The following GRID2IP variants were observed in gnomAD, a reference collection of about 807,000 sequenced individuals.
GRID2IP encodes delphilin.
Under a neutral mutation model 114.3 loss-of-function variants are expected in GRID2IP, and 78 were observed. The ratio of observed to expected loss-of-function variants is 0.68; its 90% CI spans 0.57 to 0.82. The LOEUF is 0.82. Among genes scored for constraint, GRID2IP ranks in the 40% least tolerant of loss-of-function variants. The pLI is 0.00. For synonymous variants in GRID2IP, 809 were observed against 724.0 expected (o/e 1.12, Z -1.89); for missense variants, 1,727 against 1,678.5 (o/e 1.03, Z -0.51).
intron 20 of GRID2IP, among the ~76,000 whole-genome samples, chr7:6,500,230 G>A (rs62441268): frequency 1.3e-5 from 2 of 152,000 alleles, no homozygotes; most frequent in African/African-American, 2.4e-5. Flanking sequence ...TTGGGAGGCC[G>A]AGGCAGGTGG....
chr7:6,515,574 T>C (rs1277101604), intron 7 of GRID2IP, among the ~76,000 whole-genome samples: 2 of 151,370 alleles, frequency 1.3e-5, no homozygotes, highest in Admixed American at 1.3e-4. Context: ...GGTCGGGAGC[T>C]CAAGATCAGC....
At position 6,503,475 on chromosome 7, in the gene GRID2IP, G is replaced by A; in HGVS notation, c.2907+16C>T. On this transcript the variant is annotated intron_variant, in intron 16 of 21. Transcript: ENST00000457091. ...GAGCCGGCCGAGGCCTCGGGGCGGG[G>A]TTGTGGTCGCGGCACCTGCAGGACG... 6.6e-7 allele frequency: 1 copy of A among 1,514,072 alleles called. No individual in the cohort carries two copies. Among genetic ancestry groups the A allele is most frequent in the Non-Finnish European group, 8.8e-7 (1 of 1,138,664 alleles). The allele number at this position is 1,514,072 out of a possible 1,614,324, so 93.8% of individuals were successfully genotyped here.
intron 4 of GRID2IP, among the ~76,000 whole-genome samples, chr7:6,525,646 T>C (rs1779495176): frequency 6.6e-6 from 1 of 151,768 alleles, no homozygotes; most frequent in African/African-American, 2.4e-5. Flanking sequence ...TAAAATAAAA[T>C]AAAATAAATA....
At chr7:6,548,620 G>A (rs892145901) in intron 1 of GRID2IP, among the ~76,000 whole-genome samples, 4 of 151,992 alleles carry the variant, frequency 2.6e-5, no homozygotes, top group African/African-American at 7.3e-5. Flanking sequence ...GATGGATCAC[G>A]AGGTCAGGAG....
At chr7:6,525,177 G>A (rs997242137) in intron 4 of GRID2IP, among the ~76,000 whole-genome samples, 3 of 152,042 alleles carry the variant, frequency 2.0e-5, no homozygotes, top group South Asian at 4.2e-4. Flanking sequence ...TGTGGTGGCA[G>A]GCGCCTGTAA....
In GRID2IP at chr7:6,534,315, C is replaced by T. The variant is rs141820272; in HGVS notation, c.584+5403G>A. Among the ~76,000 whole-genome samples, 99 of 152,270 alleles carry T rather than the reference C, an allele frequency of 6.5e-4. No homozygotes were observed. Among genetic ancestry groups the T allele is most frequent in the African/African-American group, 2.0e-3 (84 of 41,554 alleles). On this transcript the variant is annotated intron_variant, in intron 2 of 21. Transcript: ENST00000457091. This position sits in a 1 kb window ranked among gnomAD's most constrained non-coding sequence, Gnocchi z 4.5. Reference sequence around the variant, plus strand: ...CCACTCATATTTCCTGAAACGCTAGCGGACCACAAAGCTGACTCTGCTTTC... The same window carrying T: ...CCACTCATATTTCCTGAAACGCTAGTGGACCACAAAGCTGACTCTGCTTTC...
At chr7:6,512,790 C>T (rs990459912) in intron 8 of GRID2IP, among the ~76,000 whole-genome samples, 4 of 152,024 alleles carry the variant, frequency 2.6e-5, no homozygotes, top group African/African-American at 7.3e-5. Flanking sequence ...GGATTACAGA[C>T]GTGAGTCACC....
rs1289507716 is a variant in GRID2IP at position 6,514,522 on chromosome 7, C to T, written c.1276G>A (p.Asp426Asn). 4.6e-6 allele frequency: 7 copies of T among 1,522,288 alleles called. No homozygotes were observed. Among genetic ancestry groups the T allele is most frequent in the Admixed American group, 4.1e-5 (2 of 48,346 alleles). The allele number at this position is 1,522,288 out of a possible 1,614,324, so 94.3% of individuals were successfully genotyped here. A position where few individuals can be genotyped will look rare whatever the true frequency, so the allele number is the denominator to read the frequency against. Residue 426 changes from aspartate (D) to asparagine (N), a missense_variant, in exon 8 of 22, where the codon GAC becomes AAC. By Grantham distance (23) the Asp-to-Asn change is conservative (BLOSUM62 1). Transcript: ENST00000457091. ...LESFFQHRNI[D>N]TLIVDVYPVL... ...GGGTAGACGTCAACGATGAGGGTGT[C>T]GATGTTCCTGGGGGAAGGTGCAGGA...
At position 6,498,176 on chromosome 7, in the gene GRID2IP, C is replaced by A. The variant is rs745505031; in HGVS notation, c.3452G>T (p.Arg1151Leu). ...CTTGCCCAGCTCCTCCATGGCCTCG[C>A]GCTGCAGCCCGTCGAGCGCCCGAAG... ...PALRALDGLQREAMEELGKAL... is the reference protein window; with the variant it reads ...PALRALDGLQLEAMEELGKAL... Residue 1151 changes from arginine to leucine, a missense_variant, in exon 21 of 22, where the codon CGC (arginine) becomes CTC (leucine). By Grantham distance (102) the Arg-to-Leu change is moderately radical. Coordinates refer to ENST00000457091, the MANE Select transcript of GRID2IP (RefSeq NM_001145118.2). The A allele has an allele frequency of 3.9e-6, 6 of 1,551,106 alleles. No homozygotes were observed. The highest frequency in any genetic ancestry group is 5.2e-6 in the Non-Finnish European group (6 of 1,146,844).
At chr7:6,531,327 G>A in intron 2 of GRID2IP, 2 of 390,400 alleles carry the variant, frequency 5.1e-6, no homozygotes, top group East Asian at 3.7e-5. Flanking sequence ...TCGCTCTGGG[G>A]TGCAGCGGAA....
rs991253294 is a variant in GRID2IP at position 6,532,825 on chromosome 7, G to C, written c.585-6056C>G. Among the ~76,000 whole-genome samples, 1 of 152,226 alleles carries C rather than the reference G, an allele frequency of 6.6e-6. No homozygotes were observed. The highest frequency in any genetic ancestry group is 2.4e-5 in the African/African-American group (1 of 41,466). ...GCACAGGAGATGCAACCAGGGAGCA[G>C]ACGCCCAGGGTCAAATCCAGGCACG... On this transcript the variant is annotated intron_variant, in intron 2 of 21. Transcript: ENST00000457091. This position sits in a 1 kb window ranked among gnomAD's most constrained non-coding sequence, Gnocchi z 4.4.
intron 9 of GRID2IP, 85 bp from the exon 10 acceptor site, chr7:6,510,791 G>A (rs1185515166): frequency 2.0e-6 from 3 of 1,471,518 alleles, no homozygotes; most frequent in South Asian, 1.2e-5. Flanking sequence ...AGACCCAGGA[G>A]GGCCAATCCT....
intron 1 of GRID2IP, among the ~76,000 whole-genome samples, chr7:6,549,621 T>C (rs1176842638): frequency 6.6e-6 from 1 of 151,884 alleles, no homozygotes; most frequent in Non-Finnish European, 1.5e-5. Context: ...TTTTTGGAGG[T>C]GGGGAATGGC....
chr7:6,550,942 G>A, intron 1 of GRID2IP, 66 bp downstream of exon 1: 1 of 1,195,546 alleles, frequency 8.4e-7, no homozygotes, highest in East Asian at 3.5e-5. Context: ...GCGGCGCCCG[G>A]CCCACTCCCT....
chr7:6,540,275 G>A (rs1437267231), intron 1 of GRID2IP, among the ~76,000 whole-genome samples: 1 of 151,736 alleles, frequency 6.6e-6, no homozygotes, highest in Non-Finnish European at 1.5e-5. Context: ...ACCACGCCCG[G>A]CTGATTTTGT....
intron 1 of GRID2IP, 28 bp downstream of exon 1, chr7:6,550,980 G>GGCCCCC: frequency 1.8e-6 from 1 of 550,068 alleles, no homozygotes; most frequent in Non-Finnish European, 2.3e-6. Context: ...CCTCCTTCCC[G>GGCCCCC]CCCCCACCTC....
rs542659333 is a variant in GRID2IP at position 6,533,533 on chromosome 7, A to AT, written c.584+6184dup. 3.7e-3 allele frequency among the ~76,000 whole-genome samples: 553 copies of AT among 150,046 alleles called. 1 individual carries two copies. The highest frequency in any genetic ancestry group is 0.01 in the Middle Eastern group (3 of 286). On this transcript the variant is annotated intron_variant, in intron 2 of 21. Coordinates refer to ENST00000457091, the MANE Select transcript of GRID2IP (RefSeq NM_001145118.2). ...ACCACTATGCCTGGCTAATTTTTTA[A>AT]TTTTTTTGTGTGTAAACATGGGGTC... is the stretch of plus-strand genomic sequence containing the variant.
Position 6,523,318 on chromosome 7 carries a change from G to T in GRID2IP, c.920-1361C>A, listed in dbSNP as rs540740070. 6.6e-6 allele frequency among the ~76,000 whole-genome samples: 1 copy of T among 152,264 alleles called. No individual in the cohort carries two copies. Among genetic ancestry groups the T allele is most frequent in the African/African-American group, 2.4e-5 (1 of 41,546 alleles). On this transcript the variant is annotated intron_variant, in intron 4 of 21. Coordinates refer to ENST00000457091, the MANE Select transcript of GRID2IP (RefSeq NM_001145118.2). This position sits in a 1 kb window ranked among gnomAD's most constrained non-coding sequence, Gnocchi z 4.5. ...CCTGGACCAAAAAGGAGAGAGTGAT[G>T]GTGGTGGCGAATCCAATCTGGCCTG...
rs1209849503 is a variant in GRID2IP at position 6,551,016 on chromosome 7, T to C, written c.421A>G (p.Ser141Gly). ...RERRRKAQEF[S>G]RKVDEILGDQ... Reference sequence around the variant, plus strand: ...CCACCCCCGCGCCTTACCTTGCGGCTGAACTCTTGGGCCTTGCGCCTGCGC... The same window carrying C: ...CCACCCCCGCGCCTTACCTTGCGGCCGAACTCTTGGGCCTTGCGCCTGCGC... Residue 141 changes from serine (S) to glycine (G), a missense_variant, in exon 1 of 22, where the codon AGC (serine) becomes GGC (glycine). Physicochemically the swap from Ser to Gly is moderately conservative, Grantham distance 56. Coordinates refer to ENST00000457091, the MANE Select transcript of GRID2IP (RefSeq NM_001145118.2). The C allele has an allele frequency of 1.8e-6, 2 of 1,123,292 alleles. No homozygotes were observed. Among genetic ancestry groups the C allele is most frequent in the Non-Finnish European group, 2.2e-6 (2 of 908,522 alleles). The allele number at this position is 1,123,292 out of a possible 1,614,324, so 69.6% of individuals were successfully genotyped here.
Sources: gnomAD v4.1 joint callset for allele counts (sites outside exome capture counted in the v4.1 genomes callset) on GRCh38, gnomAD v4.1.1 for gene constraint, Gnocchi (gnomAD v3.1) non-coding constraint, MANE v1.5 for transcripts, NCBI Gene and HGNC (gene_info 2026-07-23, HGNC 2026-07-21) for gene names.